ATE1: variants seen among roughly 807,000 people sequenced by gnomAD.
The protein encoded by ATE1 is arginyltransferase 1.
A neutral mutation model predicts 70.5 loss-of-function variants in ATE1; 36 were observed. That is an observed-to-expected ratio of 0.51 (90% CI 0.39 to 0.67). ATE1 has a LOEUF of 0.67. Among genes scored for constraint, ATE1 ranks in the 30% least tolerant of loss-of-function variants. The pLI is 0.00. For synonymous variants in ATE1, 232 were observed against 219.3 expected (o/e 1.06, Z -0.51); for missense variants, 593 against 629.5 (o/e 0.94, Z 0.62).
intron 5 of ATE1, among the ~76,000 whole-genome samples, chr10:121,908,218 T>C (rs989973399): frequency 6.6e-6 from 1 of 152,202 alleles, no homozygotes; most frequent in Non-Finnish European, 1.5e-5. Context: ...GAATGTATCC[T>C]ACCAGCCGGG....
rs149219049 is a variant in ATE1 at position 121,840,984 on chromosome 10, A to G, written c.1157+98T>C. The G allele has an allele frequency of 3.0e-3, 3,306 of 1,118,724 alleles. 71 individuals carry two copies. In the African/African-American group the frequency reaches 0.043, roughly 15 times the overall value. 69.3% of individuals were successfully genotyped at this position (1,118,724 alleles called of 1,614,324 possible). ...AACAAATCATTATAATACACTGTCAATTAGGACTTCTACTGTTACATAATT... is the reference window on the plus strand; with the variant it reads ...AACAAATCATTATAATACACTGTCAGTTAGGACTTCTACTGTTACATAATT... On this transcript the variant is annotated intron_variant, in intron 9 of 11. Coordinates refer to ENST00000224652, the MANE Select transcript of ATE1 (RefSeq NM_001001976.3).
At chr10:121,794,155 T>C (rs1946561143) in intron 10 of ATE1, among the ~76,000 whole-genome samples, 1 of 152,240 alleles carries the variant, frequency 6.6e-6, no homozygotes, top group South Asian at 2.1e-4. Context: ...CCTGTTATAC[T>C]GACCTGTCTT....
chr10:121,908,679 A>G (rs1454872316), intron 5 of ATE1, among the ~76,000 whole-genome samples: 1 of 152,246 alleles, frequency 6.6e-6, no homozygotes, highest in Admixed American at 6.5e-5. Context: ...CAAAAAGAGA[A>G]GCACCCAGAC....
intron 1 of ATE1, 84 bp downstream of exon 1, chr10:121,927,760 C>A (rs1046858629): frequency 1.4e-6 from 2 of 1,441,788 alleles, no homozygotes; most frequent in Non-Finnish European, 1.8e-6. Flanking sequence ...GGGGCTCCGG[C>A]CCCCTCGCGT....
At chr10:121,807,193 T>C (rs1392630199) in intron 10 of ATE1, among the ~76,000 whole-genome samples, 1 of 152,210 alleles carries the variant, frequency 6.6e-6, no homozygotes, top group Non-Finnish European at 1.5e-5. Context: ...ATAAAGACTT[T>C]TAGCAATACT....
intron 10 of ATE1, among the ~76,000 whole-genome samples, chr10:121,802,310 T>G (rs1946915616): frequency 2.0e-5 from 1 of 49,254 alleles, no homozygotes; most frequent in East Asian, 8.8e-4. Flanking sequence ...CAATGTCTAC[T>G]CCACTTTTTT....
Position 121,924,471 on chromosome 10 carries a change from C to A in ATE1, c.107-142G>T, listed in dbSNP as rs548121686. ...ATCCCAGCACTCTGGGAGGCCAAGG[C>A]GGGCAAATCACAAGGTCAGGAGTTC... On this transcript the variant is annotated intron_variant, in intron 1 of 11. Transcript: ENST00000224652. The A allele has an allele frequency of 1.4e-4, 96 of 699,504 alleles. No homozygotes were observed. The African/African-American group carries it at 1.4e-3, about 10-fold the overall frequency. The allele number at this position is 699,504 out of a possible 1,614,324, so 43.3% of individuals were successfully genotyped here.
At chr10:121,916,679 C>A (rs1270943942) in intron 3 of ATE1, among the ~76,000 whole-genome samples, 1 of 151,824 alleles carries the variant, frequency 6.6e-6, no homozygotes, top group Non-Finnish European at 1.5e-5. Context: ...ACTGAAAATA[C>A]AAAAAATTAG....
At chr10:121,819,139 T>C (rs1947681392) in intron 10 of ATE1, among the ~76,000 whole-genome samples, 1 of 152,208 alleles carries the variant, frequency 6.6e-6, no homozygotes, top group Non-Finnish European at 1.5e-5. Context: ...TTTCATTAAC[T>C]TGAAAATCAC....
At chr10:121,747,911 T>G (rs1944432346) in intron 11 of ATE1, among the ~76,000 whole-genome samples, 1 of 152,230 alleles carries the variant, frequency 6.6e-6, no homozygotes, top group Non-Finnish European at 1.5e-5. Flanking sequence ...TATTTTAATG[T>G]GTGCACATTG....
At chr10:121,903,954 TC>T in intron 5 of ATE1, among the ~76,000 whole-genome samples, 1 of 151,942 alleles carries the variant, frequency 6.6e-6, no homozygotes, top group East Asian at 1.9e-4. Flanking sequence ...GATTTACCTT[TC>T]TTTGTAGTGT....
intron 10 of ATE1, among the ~76,000 whole-genome samples, chr10:121,818,721 C>T (rs1055002335): frequency 1.3e-5 from 2 of 152,176 alleles, no homozygotes; most frequent in African/African-American, 2.4e-5. Context: ...GCTTTAAGAT[C>T]TACTTACAGA....
chr10:121,834,399 C>T (rs913637340), intron 10 of ATE1, among the ~76,000 whole-genome samples: 3 of 152,016 alleles, frequency 2.0e-5, no homozygotes, highest in African/African-American at 7.2e-5. Flanking sequence ...AACCAGAAGG[C>T]AAGCAGGCAT....
chr10:121,816,226 G>T (rs762103906), intron 10 of ATE1, among the ~76,000 whole-genome samples: 2 of 152,080 alleles, frequency 1.3e-5, no homozygotes, highest in Non-Finnish European at 2.9e-5. Flanking sequence ...TATTTTAAAA[G>T]AAAAACTATT....
At chr10:121,815,236 C>G (rs34872768) in intron 10 of ATE1, among the ~76,000 whole-genome samples, 2 of 152,190 alleles carry the variant, frequency 1.3e-5, no homozygotes, top group East Asian at 3.9e-4. Context: ...CCCGGGTTCA[C>G]GCCATTCTCC....
intron 10 of ATE1, among the ~76,000 whole-genome samples, chr10:121,802,616 C>T (rs765864328): frequency 6.6e-6 from 1 of 152,080 alleles, no homozygotes; most frequent in African/African-American, 2.4e-5. Context: ...GCCCCTACTC[C>T]GTTTTTGAGA....
At chr10:121,916,557 C>T (rs1430971369) in intron 3 of ATE1, among the ~76,000 whole-genome samples, 1 of 152,096 alleles carries the variant, frequency 6.6e-6, no homozygotes, top group African/African-American at 2.4e-5. Context: ...ATCCCCAGGC[C>T]GGGCGCGGTG....
intron 7 of ATE1, among the ~76,000 whole-genome samples, chr10:121,892,725 G>C (rs1184289064): frequency 1.3e-5 from 2 of 151,980 alleles, no homozygotes; most frequent in Non-Finnish European, 2.9e-5. Flanking sequence ...ATGTTGGCCA[G>C]GCTGGTCTCG....
chr10:121,859,975 G>C (rs570136713), intron 8 of ATE1, among the ~76,000 whole-genome samples: 1 of 152,214 alleles, frequency 6.6e-6, no homozygotes, highest in South Asian at 2.1e-4. Context: ...AAAAAGACTT[G>C]CTTTTTAAGG....
Sources: allele counts gnomAD v4.1 joint callset (sites outside exome capture counted in the v4.1 genomes callset), GRCh38; gene constraint gnomAD v4.1.1; transcripts MANE v1.5; gene names NCBI Gene and HGNC (gene_info 2026-07-23, HGNC 2026-07-21).